Variants in BAHD1 observed in about 807,000 individuals in gnomAD.
BAHD1 encodes bromo adjacent homology domain-containing 1 protein.
BAHD1 carries 20 observed loss-of-function variants against 63.1 expected under a neutral mutation model. The ratio of observed to expected loss-of-function variants is 0.32; its 90% CI spans 0.22 to 0.46. The LOEUF (loss-of-function observed/expected upper bound fraction) is 0.46. Ranked by LOEUF, BAHD1 falls within the 20% of genes least tolerant of loss-of-function variation. The probability of loss-of-function intolerance (pLI) is 1.00; values close to 1 mark genes in which losing one functional copy is unlikely to be tolerated. For missense variants in BAHD1, 939 were observed against 1,071.8 expected, an observed-to-expected ratio of 0.88 and a Z score of 1.73; for synonymous variants, 408 against 426.8, an observed-to-expected ratio of 0.96 and a Z score of 0.54.
intron 1 of BAHD1, chr15:40,453,857 C>CA (rs1239013583): frequency 2.0e-5 from 3 of 149,684 alleles, no homozygotes; most frequent in African/African-American, 7.3e-5. Context: ...CTTATAGTCT[C>CA]AGTTACTGGG....
At chr15:40,440,158 T>G (rs1220080732), upstream of BAHD1, among the ~76,000 whole-genome samples, 1 of 152,028 alleles carries the variant, frequency 6.6e-6, no homozygotes, top group East Asian at 1.9e-4. Context: ...GGATGAGGGC[T>G]CCACACTCTG....
upstream of BAHD1, among the ~76,000 whole-genome samples, chr15:40,440,270 C>T (rs1224537581): frequency 2.0e-5 from 3 of 152,076 alleles, no homozygotes; most frequent in African/African-American, 7.2e-5. Context: ...CCAGGACCGA[C>T]CTTGCTGGAA....
At position 40,462,222 on chromosome 15, in the gene BAHD1, C is replaced by CCGCCGCCGT. The variant is rs771384339; in HGVS notation, c.1752_1760dup (p.Arg585_Arg587dup). The CCGCCGCCGT allele has an allele frequency of 2.2e-5, 35 of 1,611,352 alleles. No homozygotes were observed. Among genetic ancestry groups the CCGCCGCCGT allele is most frequent in the Non-Finnish European group, 2.8e-5 (33 of 1,179,140 alleles). On this transcript the variant is annotated inframe_insertion, in exon 3 of 7. Coordinates refer to ENST00000416165, the MANE Select transcript of BAHD1 (RefSeq NM_014952.5). ...CACGTGTCCAGCGCCCACGCCCTCG[C>CCGCCGCCGT]CGCCGCCGTCGCCGCCGCACTAATG...
intron 1 of BAHD1, among the ~76,000 whole-genome samples, chr15:40,445,752 A>G (rs1893523974): frequency 6.6e-6 from 1 of 152,218 alleles, no homozygotes; most frequent in South Asian, 2.1e-4. Flanking sequence ...CATTTTACAT[A>G]AGCAGTACTA....
Position 40,458,340 on chromosome 15 carries a change from GT to G in BAHD1, c.-14-109del. On this transcript the variant is annotated intron_variant, in intron 1 of 6. Transcript: ENST00000416165. The surrounding 1 kb of genome is among the most constrained non-coding windows in gnomAD (Gnocchi z 4.7). ...GAAAATCCATACTGGAGACAGGGTA[GT>G]TGTAGGCCAGGATCACTGCACCTGG... The G allele has an allele frequency of 7.1e-7, 1 of 1,409,966 alleles. No homozygotes were observed. Among genetic ancestry groups the G allele is most frequent in the Non-Finnish European group, 9.5e-7 (1 of 1,055,930 alleles). The allele number at this position is 1,409,966 out of a possible 1,614,324, so 87.3% of individuals were successfully genotyped here. A position where few individuals can be genotyped will look rare whatever the true frequency, so the allele number is the denominator to read the frequency against.
At chr15:40,453,432 C>T (rs1245112513) in intron 1 of BAHD1, 1 of 152,208 alleles carries the variant, frequency 6.6e-6, no homozygotes, top group Non-Finnish European at 1.5e-5. Context: ...ATAGAAGATT[C>T]AAGAAATTCA....
rs1467021475 is a variant in BAHD1, at chr15:40,466,290, C to CT, written c.*161dup. Reference sequence around the variant, plus strand: ...GGCAGGGGCCCCTGTGGGTTCTGGGCTCCAGGGGAGGGAGCTGGGGAGGCC... The same window carrying CT: ...GGCAGGGGCCCCTGTGGGTTCTGGGCTTCCAGGGGAGGGAGCTGGGGAGGCC... On this transcript the variant is annotated 3_prime_UTR_variant, in exon 7 of 7. Transcript: ENST00000416165. 1.5e-6 allele frequency: 1 copy of CT among 668,688 alleles called. No homozygotes were observed. Among genetic ancestry groups the CT allele is most frequent in the Non-Finnish European group, 2.4e-6 (1 of 410,246 alleles). The allele number at this position is 668,688 out of a possible 1,614,324, so 41.4% of individuals were successfully genotyped here.
chr15:40,452,949 G>C (rs1595853582), intron 1 of BAHD1, among the ~76,000 whole-genome samples: 1 of 152,278 alleles, frequency 6.6e-6, no homozygotes, highest in East Asian at 1.9e-4. Context: ...GCACTTAGGT[G>C]TTTTTAGTGG....
chr15:40,459,697 C>T lies in BAHD1; in HGVS notation c.1233C>T (p.His411=), dbSNP rs745435563. 14 of 1,613,952 alleles carry T rather than the reference C, an allele frequency of 8.7e-6. No homozygotes were observed. The highest frequency in any genetic ancestry group is 2.7e-5 in the African/African-American group (2 of 75,058). Residue 411 remains histidine, a synonymous_variant, in exon 2 of 7, where the codon CAC becomes CAT. Coordinates refer to ENST00000416165, the MANE Select transcript of BAHD1 (RefSeq NM_014952.5). The part of the protein sequence containing the change: ...EGKLSPVAAP[H]EEGLLLAPSS... ...AGCTGTCCCCAGTGGCTGCACCTCA[C>T]GAGGAGGGGCTCCTCTTAGCTCCGA...
Position 40,465,333 on chromosome 15 carries a change from A to G in BAHD1, c.2053-2A>G, listed in dbSNP as rs1394305119. 1 of 1,613,990 alleles carries G rather than the reference A, an allele frequency of 6.2e-7. No individual in the cohort carries two copies. The highest frequency in any genetic ancestry group is 2.2e-5 in the East Asian group (1 of 44,880). ...AACAACCTCCACCTGTCTCCCTTTG[A>G]GCCCTTGCAGAATGAAGTGTTTGCA... On this transcript the variant is annotated splice_acceptor_variant, in intron 5 of 6. Transcript: ENST00000416165. LOFTEE classifies it high-confidence loss of function.
In BAHD1 at chr15:40,448,859, G is replaced by A. The variant is rs190033434; in HGVS notation, c.-15+7591G>A. 3.4e-3 allele frequency among the ~76,000 whole-genome samples: 508 copies of A among 148,510 alleles called. 3 individuals are homozygous for A. The highest frequency in any genetic ancestry group is 0.012 in the African/African-American group (483 of 40,270). Reference sequence around the variant, plus strand: ...CTCTTTTTTTTTTTTTTTTTGAGACGGAGGTTCACTCTTGTTGCCCAGGCT... The same window carrying A: ...CTCTTTTTTTTTTTTTTTTTGAGACAGAGGTTCACTCTTGTTGCCCAGGCT... On this transcript the variant is annotated intron_variant, in intron 1 of 6. Coordinates refer to ENST00000416165, the MANE Select transcript of BAHD1 (RefSeq NM_014952.5).
intron 1 of BAHD1, among the ~76,000 whole-genome samples, chr15:40,445,992 T>C (rs1165592466): frequency 6.6e-6 from 1 of 152,088 alleles, no homozygotes; most frequent in African/African-American, 2.4e-5. Flanking sequence ...CCATGCGCAG[T>C]CAAGAGCTCA....
intron 1 of BAHD1, among the ~76,000 whole-genome samples, chr15:40,456,269 C>T (rs575292155): frequency 2.0e-5 from 3 of 152,190 alleles, no homozygotes; most frequent in East Asian, 1.9e-4. Context: ...TGAGCCACCA[C>T]GCCCGGCATT....
Position 40,466,225 on chromosome 15 carries a change from A to C in BAHD1, c.*95A>C. 8 of 954,204 alleles carry C rather than the reference A, an allele frequency of 8.4e-6. No homozygotes were observed. Among genetic ancestry groups the C allele is most frequent in the African/African-American group, 1.8e-5 (1 of 56,640 alleles). The allele number at this position is 954,204 out of a possible 1,614,324, so 59.1% of individuals were successfully genotyped here. A position where few individuals can be genotyped will look rare whatever the true frequency, so the allele number is the denominator to read the frequency against. ...ACAGCACTTGGTTAGGGGGCCACAG[A>C]GGCCTAAGTTTGCTGGCCTGTGGTT... On this transcript the variant is annotated 3_prime_UTR_variant, in exon 7 of 7. Coordinates refer to ENST00000416165, the MANE Select transcript of BAHD1 (RefSeq NM_014952.5).
At chr15:40,465,906 C>T (rs753146704) in intron 6 of BAHD1, 35 bp from the exon 7 acceptor site, 3 of 1,529,462 alleles carry the variant, frequency 2.0e-6, no homozygotes, top group East Asian at 2.3e-5. Context: ...GCAAAAGTGG[C>T]TGGAGTAAAG....
Position 40,462,032 on chromosome 15 carries a change from T to G in BAHD1, c.1553T>G (p.Val518Gly). 1 of 1,613,500 alleles carries G rather than the reference T, an allele frequency of 6.2e-7. No homozygotes were observed. Among genetic ancestry groups the G allele is most frequent in the South Asian group, 1.1e-5 (1 of 91,066 alleles). Residue 518 changes from valine to glycine, a missense_variant, in exon 3 of 7, where the codon GTC becomes GGC. Val to Gly is a moderately radical substitution (Grantham distance 109). Transcript: ENST00000416165. Reference sequence around the variant, plus strand: ...AGTGTGCCACCTGCAGCAGAGCCCGTCCCCCATCTTCAGACACCCACCTCG... The same window carrying G: ...AGTGTGCCACCTGCAGCAGAGCCCGGCCCCCATCTTCAGACACCCACCTCG... The part of the protein sequence containing the change: ...VPSVPPAAEP[V>G]PHLQTPTSEP...
At position 40,443,348 on chromosome 15, in the gene BAHD1, G is replaced by A. The variant is rs890646480; in HGVS notation, c.-15+2080G>A. ...AAGGTAGGTATTACCTCACTCAGGA[G>A]GCTAAAGTTTGTTCTGAGATAATTT... On this transcript the variant is annotated intron_variant, in intron 1 of 6. Coordinates refer to ENST00000416165, the MANE Select transcript of BAHD1 (RefSeq NM_014952.5). 3.3e-5 allele frequency: 32 copies of A among 977,988 alleles called. No individual in the cohort carries two copies. The African/African-American group carries it at 5.1e-4, about 16-fold the overall frequency. The allele number at this position is 977,988 out of a possible 1,614,324, so 60.6% of individuals were successfully genotyped here.
chr15:40,457,965 A>T (rs958443152), intron 1 of BAHD1, among the ~76,000 whole-genome samples: 2 of 152,166 alleles, frequency 1.3e-5, no homozygotes, highest in Non-Finnish European at 2.9e-5. Flanking sequence ...GTGAGCCAAG[A>T]TCTCACCAAT....
chr15:40,463,763 A>G (rs1432408943), intron 3 of BAHD1, 98 bp from the exon 4 acceptor site: 11 of 1,379,924 alleles, frequency 8.0e-6, no homozygotes, highest in South Asian at 1.4e-5. Context: ...TGGTTTGACT[A>G]TCTTGAGGAA....
Sources: allele counts gnomAD v4.1 joint callset (sites outside exome capture counted in the v4.1 genomes callset), GRCh38; gene constraint gnomAD v4.1.1; non-coding constraint Gnocchi (gnomAD v3.1); transcripts MANE v1.5; gene names NCBI Gene and HGNC (gene_info 2026-07-23, HGNC 2026-07-21).